CBFA2T3: variants seen among roughly 807,000 people sequenced by gnomAD.
CBFA2T3 encodes the protein CBFA2/RUNX1 partner transcriptional co-repressor 3.
Under a neutral mutation model 58.6 loss-of-function variants are expected in CBFA2T3, and 31 were observed. That is an observed-to-expected ratio of 0.53 (90% CI 0.40 to 0.71). The LOEUF is 0.71. Among genes scored for constraint, CBFA2T3 ranks in the 30% least tolerant of loss-of-function variants. The pLI is 0.00. For missense variants in CBFA2T3, 1,076 were observed against 963.1 expected (o/e 1.12, Z -1.55); for synonymous variants, 531 against 421.9 (o/e 1.26, Z -3.17).
At chr16:88,884,986 G>A in intron 7 of CBFA2T3, 60 bp downstream of exon 7, 1 of 1,306,074 alleles carries the variant, frequency 7.7e-7, no homozygotes. Flanking sequence ...AGGTGTACAT[G>A]TGGGCGCATG....
At position 88,901,490 on chromosome 16, in the gene CBFA2T3, T is replaced by TG; in HGVS notation, c.304+13dup. ...AAACACCTGGCCCTCGGCTGCCAGG[T>TG]GGGGGCTACTTACGTGTGTGTGGCG... On this transcript the variant is annotated intron_variant, in intron 2 of 11. Transcript: ENST00000268679. The TG allele has an allele frequency of 2.1e-6, 3 of 1,419,560 alleles. No homozygotes were observed. The highest frequency in any genetic ancestry group is 2.8e-6 in the Non-Finnish European group (3 of 1,073,024). The allele number at this position is 1,419,560 out of a possible 1,614,324, so 87.9% of individuals were successfully genotyped here. A position where few individuals can be genotyped will look rare whatever the true frequency, so the allele number is the denominator to read the frequency against.
Position 88,885,853 on chromosome 16 carries a change from C to T in CBFA2T3, c.893+108G>A, listed in dbSNP as rs1007131374. The T allele has an allele frequency of 1.7e-5, 17 of 998,580 alleles. No homozygotes were observed. Among genetic ancestry groups the T allele is most frequent in the African/African-American group, 4.9e-5 (3 of 61,536 alleles). The allele number at this position is 998,580 out of a possible 1,614,324, so 61.9% of individuals were successfully genotyped here. ...GCTCCCTCAGCCCGAGAGAGCCGGC[C>T]GGGCTGGCTGCAGCCCCAGAGGAGG... On this transcript the variant is annotated intron_variant, in intron 6 of 11. Transcript: ENST00000268679. The surrounding 1 kb of genome is among the most constrained non-coding windows in gnomAD (Gnocchi z 5.3).
intron 1 of CBFA2T3, among the ~76,000 whole-genome samples, chr16:88,970,478 A>G (rs961484892): frequency 2.0e-5 from 3 of 152,190 alleles, no homozygotes; most frequent in Admixed American, 2.0e-4. Flanking sequence ...GGCCCACCCC[A>G]GCCCCGCTGT....
chr16:88,936,603 G>A (rs570874208), intron 1 of CBFA2T3, among the ~76,000 whole-genome samples: 1 of 152,368 alleles, frequency 6.6e-6, no homozygotes, highest in East Asian at 1.9e-4. Context: ...GTGGCTAAGC[G>A]GGCGGGAAAC....
intron 1 of CBFA2T3, among the ~76,000 whole-genome samples, chr16:88,904,724 G>A (rs968053352): frequency 4.6e-5 from 7 of 150,984 alleles, no homozygotes; most frequent in African/African-American, 9.9e-5. Flanking sequence ...GCCCCACCCC[G>A]GATTGTGCGG....
intron 1 of CBFA2T3, among the ~76,000 whole-genome samples, chr16:88,917,700 G>T (rs1970781996): frequency 6.6e-6 from 1 of 152,320 alleles, no homozygotes; most frequent in Non-Finnish European, 1.5e-5. Context: ...TGGTGCCCCT[G>T]CGTCAAGTCA....
chr16:88,930,655 G>C (rs1048427462), intron 1 of CBFA2T3, among the ~76,000 whole-genome samples: 1 of 146,414 alleles, frequency 6.8e-6, no homozygotes, highest in African/African-American at 2.6e-5. Context: ...ATGCAGGAGC[G>C]GGGGCAGACT....
In CBFA2T3 at chr16:88,905,976, T is replaced by C. The variant is rs1267116439; in HGVS notation, c.152-4320A>G. 3.3e-5 allele frequency among the ~76,000 whole-genome samples: 5 copies of C among 151,498 alleles called. No homozygotes were observed. The East Asian group carries it at 9.7e-4, about 29-fold the overall frequency. On this transcript the variant is annotated intron_variant, in intron 1 of 11. Coordinates refer to ENST00000268679, the MANE Select transcript of CBFA2T3 (RefSeq NM_005187.6). ...ACAGCCACAGCAGGAGGCTGAGTCC[T>C]GCCGGCCTGGCTTCCTCGGGCAAGC... is the stretch of plus-strand genomic sequence containing the variant.
chr16:88,903,659 TGG>T (rs34558819), intron 1 of CBFA2T3, among the ~76,000 whole-genome samples: 6,416 of 77,180 alleles, frequency 0.083, 315 homozygotes, highest in African/African-American at 0.18. Context: ...TGTTCCCGGC[TGG>T]GGGGGGGGGC....
intron 5 of CBFA2T3, among the ~76,000 whole-genome samples, chr16:88,891,651 T>C (rs558380093): frequency 6.6e-6 from 1 of 152,270 alleles, no homozygotes; most frequent in East Asian, 1.9e-4. Flanking sequence ...GGCAACTAAT[T>C]TTCAGGCCTT....
At chr16:88,927,975 G>A (rs1971139538) in intron 1 of CBFA2T3, among the ~76,000 whole-genome samples, 1 of 152,218 alleles carries the variant, frequency 6.6e-6, no homozygotes, top group African/African-American at 2.4e-5. Flanking sequence ...GCCGCAGGGA[G>A]GGCCTCACGG....
rs1186621188 is a variant in CBFA2T3 at position 88,911,850 on chromosome 16, C to T, written c.152-10194G>A. 2.6e-5 allele frequency among the ~76,000 whole-genome samples: 4 copies of T among 152,176 alleles called. No homozygotes were observed. In the East Asian group the frequency reaches 7.7e-4, roughly 29 times the overall value. On this transcript the variant is annotated intron_variant, in intron 1 of 11. Transcript: ENST00000268679. ...ATCAGTGTTGGGGAAGGGGACCCAT[C>T]GGAGAGCCTCTGGGGCACAGTGAAG...
At chr16:88,954,538 G>C (rs1349331658) in intron 1 of CBFA2T3, among the ~76,000 whole-genome samples, 1 of 108,158 alleles carries the variant, frequency 9.2e-6, no homozygotes, top group African/African-American at 4.3e-5. Flanking sequence ...CTCCACCCAA[G>C]GCTCCTGACC....
intron 1 of CBFA2T3, among the ~76,000 whole-genome samples, chr16:88,967,690 G>A (rs970007509): frequency 4.6e-5 from 7 of 152,298 alleles, no homozygotes; most frequent in East Asian, 1.9e-4. Context: ...CGTGGCTCCC[G>A]CGACCTGGCT....
intron 1 of CBFA2T3, among the ~76,000 whole-genome samples, chr16:88,962,015 G>A (rs559970735): frequency 1.5e-4 from 22 of 149,856 alleles, no homozygotes; most frequent in Non-Finnish European, 2.2e-4. Context: ...CATAGTAACC[G>A]ACACTCAGCA....
rs767355491 is a variant in CBFA2T3 at position 88,879,390 on chromosome 16, G to A, written c.1542C>T (p.Arg514=). The part of the protein sequence containing the change: ...ELQKAVSDAE[R]KAHELITTER... ...CCGTGGTGATGAGCTCGTGCGCTTT[G>A]CGCTCCGCGTCCGACACGGCTTTCT... Residue 514 remains arginine, a synonymous_variant, in exon 11 of 12, where the codon CGC becomes CGT. Transcript: ENST00000268679. 1.2e-6 allele frequency: 2 copies of A among 1,613,144 alleles called. No homozygotes were observed. Among genetic ancestry groups the A allele is most frequent in the East Asian group, 4.5e-5 (2 of 44,880 alleles).
At chr16:88,930,433 A>G (rs28375406) in intron 1 of CBFA2T3, among the ~76,000 whole-genome samples, 43,275 of 151,844 alleles carry the variant, frequency 0.28, 6,982 homozygotes, top group Middle Eastern at 0.47. Context: ...CATAACAACA[A>G]TGGGGGCAAC....
At chr16:88,910,467 C>T (rs529607473) in intron 1 of CBFA2T3, among the ~76,000 whole-genome samples, 4 of 152,162 alleles carry the variant, frequency 2.6e-5, no homozygotes, top group Admixed American at 6.5e-5. Context: ...ACACTTGCTG[C>T]GTGGTGACTG....
chr16:88,949,697 G>A (rs980579275), intron 1 of CBFA2T3, among the ~76,000 whole-genome samples: 5 of 152,020 alleles, frequency 3.3e-5, no homozygotes, highest in African/African-American at 1.2e-4. Context: ...AACTTCATGA[G>A]TAGGCAAATC....
Sources: gnomAD v4.1 joint callset for allele counts (sites outside exome capture counted in the v4.1 genomes callset) on GRCh38, gnomAD v4.1.1 for gene constraint, Gnocchi (gnomAD v3.1) non-coding constraint, MANE v1.5 for transcripts, NCBI Gene and HGNC (gene_info 2026-07-23, HGNC 2026-07-21) for gene names.